The following IFRD1 variants were observed in gnomAD, a reference collection of about 807,000 sequenced individuals.
IFRD1 encodes interferon related developmental regulator 1, also known as interferon-related developmental regulator 1.
A neutral mutation model predicts 52.9 loss-of-function variants in IFRD1; 35 were observed. That is an observed-to-expected ratio of 0.66 (90% CI 0.51 to 0.88). IFRD1 has a LOEUF of 0.88. Ranked by LOEUF, IFRD1 falls within the 40% of genes least tolerant of loss-of-function variation. The pLI is 0.00. For synonymous variants in IFRD1, 184 were observed against 188.4 expected (o/e 0.98, Z 0.19); for missense variants, 517 against 550.8 (o/e 0.94, Z 0.61).
chr7:112,423,529 G>C (rs1794365146), intron 1 of IFRD1: 1 of 152,208 alleles, frequency 6.6e-6, no homozygotes, highest in African/African-American at 2.4e-5. Flanking sequence ...TGAGTTAAGA[G>C]TCCATGCTCT....
chr7:112,450,988 CTT>C, intron 1 of IFRD1: 1 of 598,664 alleles, frequency 1.7e-6, no homozygotes, highest in South Asian at 1.9e-5. Flanking sequence ...GAACCGGACT[CTT>C]GGGCACCGGC....
intron 1 of IFRD1, among the ~76,000 whole-genome samples, chr7:112,439,447 C>T (rs1011351800): frequency 1.3e-5 from 2 of 152,162 alleles, no homozygotes; most frequent in Admixed American, 6.5e-5. Flanking sequence ...CAGCCCCAAG[C>T]CACAGAAATC....
intron 1 of IFRD1, chr7:112,452,482 T>C (rs1795189997): frequency 2.1e-6 from 2 of 973,462 alleles, no homozygotes; most frequent in Non-Finnish European, 2.4e-6. Flanking sequence ...TTTCCTCATC[T>C]GAATCAAACA....
At chr7:112,456,427 A>G (rs1171544633) in intron 3 of IFRD1, among the ~76,000 whole-genome samples, 1 of 152,186 alleles carries the variant, frequency 6.6e-6, no homozygotes, top group African/African-American at 2.4e-5. Context: ...AGAAATGATA[A>G]CGAAACCTTG....
At chr7:112,429,839 T>G (rs1794508808) in intron 1 of IFRD1, among the ~76,000 whole-genome samples, 1 of 152,238 alleles carries the variant, frequency 6.6e-6, no homozygotes, top group African/African-American at 2.4e-5. Context: ...TTTCTATTGA[T>G]AGTCCTTCAG....
At chr7:112,461,965 A>G in intron 6 of IFRD1, 36 bp from the exon 7 acceptor site, 2 of 1,602,486 alleles carry the variant, frequency 1.2e-6, no homozygotes, top group Non-Finnish European at 1.7e-6. Flanking sequence ...TTTCTAATTT[A>G]AGATGGTTAT....
chr7:112,439,357 A>G (rs747831524), intron 1 of IFRD1, among the ~76,000 whole-genome samples: 1 of 152,244 alleles, frequency 6.6e-6, no homozygotes, highest in East Asian at 1.9e-4. Context: ...CTGAATGCAT[A>G]TAAGACTGTT....
upstream of IFRD1, among the ~76,000 whole-genome samples, chr7:112,447,597 C>T (rs1584481447): frequency 6.6e-6 from 1 of 152,160 alleles, no homozygotes; most frequent in South Asian, 2.1e-4. Flanking sequence ...TGTGGTCTTT[C>T]CTGAAGAAAA....
intron 3 of IFRD1, 81 bp downstream of exon 3, chr7:112,456,167 T>A: frequency 1.2e-6 from 1 of 837,410 alleles, no homozygotes; most frequent in Admixed American, 1.8e-5. Context: ...TTATTCTGTG[T>A]GATTCTAATC....
chr7:112,425,462 A>G (rs1418164542), intron 1 of IFRD1, among the ~76,000 whole-genome samples: 1 of 152,214 alleles, frequency 6.6e-6, no homozygotes, highest in African/African-American at 2.4e-5. Context: ...CTGGAGCAGG[A>G]CACCTTTTCT....
rs1795645492 is a variant in IFRD1, at chr7:112,467,718, A to G, written c.907-263A>G. 4 of 434,332 alleles carry G rather than the reference A, an allele frequency of 9.2e-6. No homozygotes were observed. In the East Asian group the frequency reaches 2.0e-4, roughly 22 times the overall value. 26.9% of individuals were successfully genotyped at this position (434,332 alleles called of 1,614,324 possible). ...ATGTCTTATATATGGTGGGAACACA[A>G]GAAATATTTGTTGGATGCATTTACT... On this transcript the variant is annotated intron_variant, in intron 8 of 11. Coordinates refer to ENST00000403825, the MANE Select transcript of IFRD1 (RefSeq NM_001550.4).
upstream of IFRD1, among the ~76,000 whole-genome samples, chr7:112,445,898 T>TA (rs199967221): frequency 4.6e-5 from 7 of 151,296 alleles, no homozygotes; most frequent in South Asian, 2.1e-4. Context: ...CAATACATAT[T>TA]AAAAAAAAAG....
At position 112,468,004 on chromosome 7, in the gene IFRD1, G is replaced by A. The variant is rs144546333; in HGVS notation, c.930G>A (p.Glu310=). 85 of 1,613,918 alleles carry A rather than the reference G, an allele frequency of 5.3e-5. No homozygotes were observed. The highest frequency in any genetic ancestry group is 7.1e-5 in the Non-Finnish European group (84 of 1,179,946). ...AGGACTTTTTTTATGAAGACATGGA[G>A]TCCTTGACGCAGATGCTTAGGGCCT... ...IESDFFYEDM[E]SLTQMLRALA... The change falls in exon 9 of 12, where the codon GAG becomes GAA. Residue 310 remains glutamate, a synonymous_variant. Coordinates refer to ENST00000403825, the MANE Select transcript of IFRD1 (RefSeq NM_001550.4).
At chr7:112,471,285 G>A (rs1795739079) in intron 9 of IFRD1, among the ~76,000 whole-genome samples, 1 of 152,174 alleles carries the variant, frequency 6.6e-6, no homozygotes, top group Admixed American at 6.5e-5. Context: ...AACAGACTCA[G>A]CAAGGTTAAG....
chr7:112,461,444 T>C (rs536679134), intron 5 of IFRD1: 2 of 156,438 alleles, frequency 1.3e-5, no homozygotes, highest in East Asian at 3.7e-4. Flanking sequence ...TAAGCACCTG[T>C]AAAGCATACA....
intron 1 of IFRD1, among the ~76,000 whole-genome samples, chr7:112,429,665 C>T (rs1234438650): frequency 6.6e-6 from 1 of 152,202 alleles, no homozygotes; most frequent in Admixed American, 6.5e-5. Context: ...CAGATTCTCA[C>T]TCAGACACAC....
At position 112,461,982 on chromosome 7, in the gene IFRD1, T is replaced by G; in HGVS notation, c.619-19T>G. 6.2e-7 allele frequency: 1 copy of G among 1,605,426 alleles called. No individual in the cohort carries two copies. Among genetic ancestry groups the G allele is most frequent in the Non-Finnish European group, 8.5e-7 (1 of 1,172,342 alleles). On this transcript the variant is annotated intron_variant, in intron 6 of 11. Transcript: ENST00000403825. ...TCTAATTTAAGATGGTTATCTTACT[T>G]CATATTCTTATGCATTAGGAACTAT... is the stretch of plus-strand genomic sequence containing the variant.
chr7:112,437,500 T>C (rs1794733151), intron 1 of IFRD1, among the ~76,000 whole-genome samples: 2 of 152,052 alleles, frequency 1.3e-5, no homozygotes, highest in Admixed American at 1.3e-4. Context: ...CCCCAAGAAG[T>C]ACTACTGATT....
intron 1 of IFRD1, among the ~76,000 whole-genome samples, chr7:112,428,735 G>A (rs935075475): frequency 3.9e-5 from 6 of 152,110 alleles, no homozygotes; most frequent in Non-Finnish European, 8.8e-5. Context: ...AGCAAATTTT[G>A]TATACTTGAA....
Sources: gnomAD v4.1 joint callset for allele counts (sites outside exome capture counted in the v4.1 genomes callset) on GRCh38, gnomAD v4.1.1 for gene constraint, MANE v1.5 for transcripts, NCBI Gene and HGNC (gene_info 2026-07-23, HGNC 2026-07-21) for gene names.